The following TMEM108 variants were observed in gnomAD, a reference collection of about 807,000 sequenced individuals.
TMEM108 encodes the protein transmembrane protein 108.
A neutral mutation model predicts 35.1 loss-of-function variants in TMEM108; 12 were observed. The ratio of observed to expected loss-of-function variants is 0.34; its 90% CI spans 0.22 to 0.55. The LOEUF is 0.55. Among genes scored for constraint, TMEM108 ranks in the 20% least tolerant of loss-of-function variants. TMEM108 has a pLI of 0.89. For missense variants in TMEM108, 680 were observed against 753.3 expected (o/e 0.90, Z 1.14); for synonymous variants, 287 against 308.6 (o/e 0.93, Z 0.73).
intron 2 of TMEM108, among the ~76,000 whole-genome samples, chr3:133,080,568 T>C (rs914344607): frequency 1.3e-5 from 2 of 152,242 alleles, no homozygotes; most frequent in African/African-American, 2.4e-5. Flanking sequence ...TTAGTCAGAA[T>C]TAATGATCCT....
chr3:133,223,503 C>G (rs960547593), intron 2 of TMEM108, among the ~76,000 whole-genome samples: 5 of 152,172 alleles, frequency 3.3e-5, no homozygotes, highest in African/African-American at 1.2e-4. Flanking sequence ...GGATGTAACT[C>G]TGTACTTTCT....
rs556030058 is a variant in TMEM108, at chr3:133,045,158, C to T, written c.-165-744C>T. Among the ~76,000 whole-genome samples, 5 of 152,118 alleles carry T rather than the reference C, an allele frequency of 3.3e-5. No homozygotes were observed. In the South Asian group the frequency reaches 8.3e-4, roughly 25 times the overall value. On this transcript the variant is annotated intron_variant, in intron 1 of 5. Coordinates refer to ENST00000321871, the MANE Select transcript of TMEM108 (RefSeq NM_023943.4). ...AATTTTTTGTATTTTTTAATAGAGA[C>T]GGGGTTTCACCATGTTAGCCAGGCT...
chr3:133,250,115 A>AAT (rs2107667436), intron 3 of TMEM108, among the ~76,000 whole-genome samples: 1 of 152,248 alleles, frequency 6.6e-6, no homozygotes, highest in East Asian at 1.9e-4. Context: ...ATGATCTAGA[A>AAT]ATATAGGACT....
intron 2 of TMEM108, among the ~76,000 whole-genome samples, chr3:133,052,476 T>C (rs948112838): frequency 9.9e-5 from 15 of 151,782 alleles, no homozygotes; most frequent in African/African-American, 3.6e-4. Flanking sequence ...TTCCTTTTAT[T>C]TTAATTTAAT....
At chr3:133,360,666 C>T (rs188136695) in intron 3 of TMEM108, among the ~76,000 whole-genome samples, 1 of 152,344 alleles carries the variant, frequency 6.6e-6, no homozygotes, top group African/African-American at 2.4e-5. Context: ...CTTTCTCCCA[C>T]TTTTTGTGCG....
In TMEM108 at chr3:133,106,806, G is replaced by T. The variant is rs137883785; in HGVS notation, c.-47+60786G>T. 3.4e-3 allele frequency among the ~76,000 whole-genome samples: 511 copies of T among 152,312 alleles called. 3 individuals are homozygous for T. Among genetic ancestry groups the T allele is most frequent in the African/African-American group, 0.012 (484 of 41,578 alleles). ...TCAGTCAAGTCTTCAAATGATTACA[G>T]TCCGAGGCAACAACATGACTATACC... On this transcript the variant is annotated intron_variant, in intron 2 of 5. Coordinates refer to ENST00000321871, the MANE Select transcript of TMEM108 (RefSeq NM_023943.4).
rs545679147 is a variant in TMEM108 at position 133,243,239 on chromosome 3, G to A, written c.40+13888G>A. On this transcript the variant is annotated intron_variant, in intron 3 of 5. Transcript: ENST00000321871. The stretch of plus-strand genomic sequence containing the variant: ...TGTTTAAAAGCAAGTGAGAGTGGCT[G>A]GGCAGCTTGCTTGTATAAACACATG... 2.6e-5 allele frequency among the ~76,000 whole-genome samples: 4 copies of A among 152,166 alleles called. No individual in the cohort carries two copies. The South Asian group carries it at 8.3e-4, about 32-fold the overall frequency.
At chr3:133,161,327 C>T (rs547207744) in intron 2 of TMEM108, among the ~76,000 whole-genome samples, 1 of 152,308 alleles carries the variant, frequency 6.6e-6, no homozygotes, top group East Asian at 1.9e-4. Context: ...GGCATTCTTT[C>T]ATCACTCAGT....
Position 133,095,301 on chromosome 3 carries a change from T to C in TMEM108, c.-47+49281T>C, listed in dbSNP as rs151180951. Among the ~76,000 whole-genome samples, 790 of 152,234 alleles carry C rather than the reference T, an allele frequency of 5.2e-3. 6 individuals are homozygous for C. The highest frequency in any genetic ancestry group is 7.2e-3 in the Non-Finnish European group (487 of 68,010). The stretch of plus-strand genomic sequence containing the variant: ...GATGGTCTCAGCCTGTGTAGAAAGC[T>C]TGTCCAAGTTACATGTATTAACTTT... On this transcript the variant is annotated intron_variant, in intron 2 of 5. Transcript: ENST00000321871.
Position 133,125,427 on chromosome 3 carries a change from A to G in TMEM108, c.-47+79407A>G, listed in dbSNP as rs866998233. Among the ~76,000 whole-genome samples the G allele has an allele frequency of 3.9e-5, 6 of 152,304 alleles. 1 individual carries two copies. The Middle Eastern group carries it at 0.01, about 259-fold the overall frequency. ...AGTGGAAATAAGTGGCTTTTAGCAA[A>G]TGTTGAACCTCGAATGTGCTATTTA... On this transcript the variant is annotated intron_variant, in intron 2 of 5. Transcript: ENST00000321871.
chr3:133,051,953 T>C (rs1273004971), intron 2 of TMEM108, among the ~76,000 whole-genome samples: 1 of 152,166 alleles, frequency 6.6e-6, no homozygotes, highest in Non-Finnish European at 1.5e-5. Context: ...TCAGTTCTGC[T>C]TTAATATTGT....
chr3:133,057,932 C>A (rs1943491957), intron 2 of TMEM108, among the ~76,000 whole-genome samples: 1 of 152,124 alleles, frequency 6.6e-6, no homozygotes, highest in Admixed American at 6.5e-5. Context: ...CTGGTAACAA[C>A]AAACTGTGAG....
At chr3:133,325,764 T>A (rs1027387180) in intron 3 of TMEM108, among the ~76,000 whole-genome samples, 1 of 150,698 alleles carries the variant, frequency 6.6e-6, no homozygotes, top group Admixed American at 6.6e-5. Flanking sequence ...ATATAATTTT[T>A]AAGTGTGTAT....
chr3:133,118,486 A>G (rs1165896576), intron 2 of TMEM108, among the ~76,000 whole-genome samples: 1 of 152,206 alleles, frequency 6.6e-6, no homozygotes, highest in Admixed American at 6.5e-5. Context: ...TGTGTTTGCA[A>G]AATACTCTTC....
At position 133,178,214 on chromosome 3, in the gene TMEM108, A is replaced by G. The variant is rs184997416; in HGVS notation, c.-46-51052A>G. 4.1e-3 allele frequency among the ~76,000 whole-genome samples: 621 copies of G among 152,344 alleles called. 5 individuals carry two copies. Among genetic ancestry groups the G allele is most frequent in the African/African-American group, 0.014 (591 of 41,572 alleles). On this transcript the variant is annotated intron_variant, in intron 2 of 5. Coordinates refer to ENST00000321871, the MANE Select transcript of TMEM108 (RefSeq NM_023943.4). The stretch of plus-strand genomic sequence containing the variant: ...CCATACTCATGGATAGGAAGAATCA[A>G]TATCGTGAAAATGGCCATACTGCCC...
At chr3:133,111,242 G>A (rs995381795) in intron 2 of TMEM108, among the ~76,000 whole-genome samples, 12 of 152,116 alleles carry the variant, frequency 7.9e-5, no homozygotes, top group African/African-American at 2.9e-4. Context: ...ACAGTCTTAG[G>A]TGGGGAGGAT....
At chr3:133,084,797 G>A (rs1427900655) in intron 2 of TMEM108, among the ~76,000 whole-genome samples, 3 of 152,184 alleles carry the variant, frequency 2.0e-5, no homozygotes, top group African/African-American at 7.2e-5. Context: ...ACAGCACAGG[G>A]AGATAGAAGT....
At chr3:133,234,857 G>A (rs1386639303) in intron 3 of TMEM108, among the ~76,000 whole-genome samples, 1 of 152,042 alleles carries the variant, frequency 6.6e-6, no homozygotes, top group Non-Finnish European at 1.5e-5. Context: ...AAACCCCATT[G>A]TCCTCTCAGC....
At chr3:133,077,889 G>A (rs1292211719) in intron 2 of TMEM108, among the ~76,000 whole-genome samples, 3 of 152,178 alleles carry the variant, frequency 2.0e-5, no homozygotes, top group Non-Finnish European at 4.4e-5. Flanking sequence ...TCGTTTGCCT[G>A]TGTTCTGAGG....
Sources: allele counts gnomAD v4.1 joint callset (sites outside exome capture counted in the v4.1 genomes callset), GRCh38; gene constraint gnomAD v4.1.1; transcripts MANE v1.5; gene names NCBI Gene and HGNC (gene_info 2026-07-23, HGNC 2026-07-21).